The following RMDN2 variants were observed in gnomAD, a reference collection of about 807,000 sequenced individuals.
RMDN2 encodes the protein regulator of microtubule dynamics 2.
RMDN2 carries 61 observed loss-of-function variants against 52.8 expected under a neutral mutation model. The ratio of observed to expected loss-of-function variants is 1.16; its 90% CI spans 0.94 to 1.43. The LOEUF (loss-of-function observed/expected upper bound fraction) is 1.43, where lower values mean the gene tolerates loss of function less well. RMDN2 is among the 40% of genes most tolerant of loss of function. The pLI, the probability that RMDN2 is intolerant of heterozygous loss-of-function variation, is 0.00. For synonymous variants in RMDN2, 180 were observed against 153.1 expected (o/e 1.18, Z -1.30); for missense variants, 592 against 475.3 (o/e 1.25, Z -2.28).
chr2:37,948,483 C>T (rs1203710069), intron 2 of RMDN2, among the ~76,000 whole-genome samples: 1 of 151,754 alleles, frequency 6.6e-6, no homozygotes, highest in Non-Finnish European at 1.5e-5. Context: ...GCAGAAGGTA[C>T]CTGGGGTCAT....
chr2:37,923,938 T>C (rs1427728006), upstream of RMDN2, among the ~76,000 whole-genome samples: 1 of 152,126 alleles, frequency 6.6e-6, no homozygotes, highest in Non-Finnish European at 1.5e-5. Flanking sequence ...TTAGTAGAGA[T>C]GGTGTTTCAT....
chr2:37,998,028 T>C (rs1391058188), intron 8 of RMDN2: 1 of 162,812 alleles, frequency 6.1e-6, no homozygotes, highest in African/African-American at 2.4e-5. Flanking sequence ...CAATCCTGTC[T>C]TAAAATGTAT....
At chr2:38,021,743 C>T (rs1050662133), downstream of RMDN2, among the ~76,000 whole-genome samples, 1 of 152,180 alleles carries the variant, frequency 6.6e-6, no homozygotes, top group African/African-American at 2.4e-5. Flanking sequence ...GTACAAATCC[C>T]ACCACTGATC....
intron 2 of RMDN2, among the ~76,000 whole-genome samples, chr2:37,969,973 C>G (rs1671577686): frequency 1.3e-5 from 2 of 151,886 alleles, no homozygotes; most frequent in Non-Finnish European, 2.9e-5. Context: ...TACTCTGTCT[C>G]CCAGGCTGGA....
downstream of RMDN2, among the ~76,000 whole-genome samples, chr2:38,018,900 A>G (rs1377491584): frequency 2.0e-5 from 3 of 152,304 alleles, no homozygotes; most frequent in South Asian, 2.1e-4. Context: ...GCACACACGC[A>G]CACACACATT....
intron 10 of RMDN2, among the ~76,000 whole-genome samples, chr2:38,035,061 C>A (rs967802794): frequency 6.6e-6 from 1 of 152,058 alleles, no homozygotes; most frequent in East Asian, 1.9e-4. Flanking sequence ...TGGTAAGTAT[C>A]ATTTATGTTG....
chr2:37,956,574 C>T (rs985837945), intron 2 of RMDN2, among the ~76,000 whole-genome samples: 16 of 151,816 alleles, frequency 1.1e-4, no homozygotes, highest in African/African-American at 3.4e-4. Context: ...CTTCTGCTAG[C>T]TTTGGGGTTA....
chr2:38,005,151 A>G (rs982950725), intron 10 of RMDN2, among the ~76,000 whole-genome samples: 16 of 152,216 alleles, frequency 1.1e-4, no homozygotes, highest in African/African-American at 3.1e-4. Context: ...TAGTGCTGCT[A>G]TAAACATACG....
At chr2:37,940,491 C>T (rs184165026) in intron 2 of RMDN2, among the ~76,000 whole-genome samples, 3 of 152,240 alleles carry the variant, frequency 2.0e-5, no homozygotes, top group African/African-American at 4.8e-5. Flanking sequence ...CACCTTGGTT[C>T]GATTCTCGCT....
intron 10 of RMDN2, among the ~76,000 whole-genome samples, chr2:38,041,414 A>AT (rs945344247): frequency 9.1e-6 from 1 of 110,484 alleles, no homozygotes; most frequent in Non-Finnish European, 1.8e-5. Context: ...TTCTTTCCTC[A>AT]TTTTTTTTAT....
chr2:38,051,776 A>G (rs1681616427), intron 10 of RMDN2, among the ~76,000 whole-genome samples: 1 of 152,056 alleles, frequency 6.6e-6, no homozygotes, highest in Non-Finnish European at 1.5e-5. Flanking sequence ...GACATGAGAT[A>G]TTTGTCTTTC....
chr2:37,931,430 T>A (rs139373298), intron 2 of RMDN2, among the ~76,000 whole-genome samples: 68 of 152,360 alleles, frequency 4.5e-4, no homozygotes, highest in African/African-American at 1.6e-3. Context: ...TCGTGTGTCC[T>A]GTGTGCAGTT....
rs1675717417 is a variant in RMDN2 at position 37,997,465 on chromosome 2, G to A, written c.995G>A (p.Gly332Glu). ...AAAAAAATGGCTGCTACTCTGTTTGGAAAAATACCATCTTCAACTGTACAA... is the reference window on the plus strand; with the variant it reads ...AAAAAAATGGCTGCTACTCTGTTTGAAAAAATACCATCTTCAACTGTACAA... Reference protein sequence around the residue: ...IEKKMAATLFGKIPSSTVQEA... With the variant: ...IEKKMAATLFEKIPSSTVQEA... The change falls in exon 8 of 11, where the codon GGA becomes GAA. Residue 332 changes from glycine to glutamate, a missense_variant. Gly to Glu is a moderately conservative substitution (Grantham distance 98). Transcript: ENST00000354545. 6.2e-7 allele frequency: 1 copy of A among 1,613,848 alleles called. No homozygotes were observed. The highest frequency in any genetic ancestry group is 2.2e-5 in the East Asian group (1 of 44,848).
intron 10 of RMDN2, among the ~76,000 whole-genome samples, chr2:38,038,247 G>T (rs947220742): frequency 1.3e-5 from 2 of 152,128 alleles, no homozygotes; most frequent in Non-Finnish European, 2.9e-5. Flanking sequence ...TGGAGGGAGC[G>T]CAGCGCCCCC....
chr2:37,975,332 A>T lies in RMDN2; in HGVS notation c.730+18A>T, dbSNP rs1672327046. 2.2e-6 allele frequency: 3 copies of T among 1,385,158 alleles called. No individual in the cohort carries two copies. The highest frequency in any genetic ancestry group is 3.1e-6 in the Non-Finnish European group (3 of 972,862). The allele number at this position is 1,385,158 out of a possible 1,614,324, so 85.8% of individuals were successfully genotyped here. A position where few individuals can be genotyped will look rare whatever the true frequency, so the allele number is the denominator to read the frequency against. On this transcript the variant is annotated intron_variant, in intron 4 of 10. Transcript: ENST00000354545. ...TAATATTGGTAAGCATTTTGTAAAG[A>T]TTATTCTCAAGTAGCAATTAAGATC...
At chr2:38,050,285 C>T (rs1681509890) in intron 10 of RMDN2, among the ~76,000 whole-genome samples, 1 of 151,964 alleles carries the variant, frequency 6.6e-6, no homozygotes. Context: ...CTGCCTCATC[C>T]TTTTCTGTCT....
chr2:37,923,031 T>G (rs1666076673), upstream of RMDN2, among the ~76,000 whole-genome samples: 1 of 152,236 alleles, frequency 6.6e-6, no homozygotes, highest in African/African-American at 2.4e-5. Flanking sequence ...GTTTGATGAA[T>G]AACAGCAACT....
intron 10 of RMDN2, among the ~76,000 whole-genome samples, chr2:38,038,457 G>A (rs775681500): frequency 6.6e-6 from 1 of 152,192 alleles, no homozygotes; most frequent in Non-Finnish European, 1.5e-5. Context: ...TATTGAGCAA[G>A]CTGTTTTCTG....
At position 37,929,400 on chromosome 2, in the gene RMDN2, A is replaced by G; in HGVS notation, c.123A>G (p.Glu41=). 3 of 1,551,686 alleles carry G rather than the reference A, an allele frequency of 1.9e-6. No homozygotes were observed. Among genetic ancestry groups the G allele is most frequent in the Non-Finnish European group, 2.6e-6 (3 of 1,146,858 alleles). ...CAGGGATAGCAATGAAGTTACCTGA[A>G]TTTCTTTCTCTGGGTAATACATTTA... ...RKPGIAMKLP[E]FLSLGNTFNS... is the part of the protein sequence containing the mutation. Residue 41 remains glutamate, a synonymous_variant, in exon 2 of 11, where the codon GAA becomes GAG. Coordinates refer to ENST00000354545, the MANE Select transcript of RMDN2 (RefSeq NM_001170791.3).
Sources: gnomAD v4.1 joint callset for allele counts (sites outside exome capture counted in the v4.1 genomes callset) on GRCh38, gnomAD v4.1.1 for gene constraint, MANE v1.5 for transcripts, NCBI Gene and HGNC (gene_info 2026-07-23, HGNC 2026-07-21) for gene names.